SLC31A1: variants seen among roughly 807,000 people sequenced by gnomAD.
SLC31A1 encodes high affinity copper uptake protein 1.
A neutral mutation model predicts 17.2 loss-of-function variants in SLC31A1; 5 were observed. The observed-to-expected ratio is 0.29, with a 90% CI of 0.15 to 0.61. The LOEUF is 0.61. Ranked by LOEUF, SLC31A1 falls within the 20% of genes least tolerant of loss-of-function variation. The pLI is 0.86. For missense variants in SLC31A1, 161 were observed against 241.4 expected (o/e 0.67, Z 2.21); for synonymous variants, 76 against 78.8 (o/e 0.96, Z 0.19).
chr9:113,230,043 C>T (rs1352262455), intron 1 of SLC31A1, among the ~76,000 whole-genome samples: 1 of 152,184 alleles, frequency 6.6e-6, no homozygotes, highest in Non-Finnish European at 1.5e-5. Flanking sequence ...AGAAGATTTG[C>T]TCTTTATTAC....
At chr9:113,253,039 C>T (rs112046337) in intron 1 of SLC31A1, among the ~76,000 whole-genome samples, 6 of 150,982 alleles carry the variant, frequency 4.0e-5, no homozygotes, top group African/African-American at 1.5e-4. Context: ...CTGCAAGCTC[C>T]GCCTCCCGGG....
chr9:113,222,036 G>C (rs543771425), intron 1 of SLC31A1, among the ~76,000 whole-genome samples: 1 of 152,344 alleles, frequency 6.6e-6, no homozygotes, highest in South Asian at 2.1e-4. Context: ...TAAGCACCCG[G>C]GTGACTAGTC....
At chr9:113,252,029 T>C (rs1831659864) in intron 1 of SLC31A1, among the ~76,000 whole-genome samples, 1 of 152,244 alleles carries the variant, frequency 6.6e-6, no homozygotes. Context: ...GGATGTGAAA[T>C]ATATCCTGCA....
intron 1 of SLC31A1, among the ~76,000 whole-genome samples, chr9:113,252,966 T>TC (rs952679750): frequency 6.8e-6 from 1 of 147,764 alleles, no homozygotes; most frequent in Non-Finnish European, 1.5e-5. Flanking sequence ...TTTTTTTTTT[T>TC]TTTTTGAGAC....
At chr9:113,253,108 C>T (rs955631623) in intron 1 of SLC31A1, among the ~76,000 whole-genome samples, 6 of 152,072 alleles carry the variant, frequency 3.9e-5, no homozygotes, top group African/African-American at 1.4e-4. Flanking sequence ...CACCCGCCAC[C>T]ATGCCCGGCT....
At chr9:113,251,928 G>A (rs572835753) in intron 1 of SLC31A1, among the ~76,000 whole-genome samples, 39 of 152,284 alleles carry the variant, frequency 2.6e-4, no homozygotes, top group Non-Finnish European at 5.0e-4. Flanking sequence ...CATTCGGTAA[G>A]CCTTGCATAG....
intron 1 of SLC31A1, among the ~76,000 whole-genome samples, chr9:113,245,934 C>CT (rs1831573155): frequency 6.6e-6 from 1 of 150,914 alleles, no homozygotes; most frequent in African/African-American, 2.4e-5. Context: ...GTACCCAGCT[C>CT]TAAGTTCTGT....
intron 1 of SLC31A1, among the ~76,000 whole-genome samples, chr9:113,223,582 T>C (rs1831310732): frequency 6.6e-6 from 1 of 152,192 alleles, no homozygotes; most frequent in Non-Finnish European, 1.5e-5. Context: ...TGTTTATTTG[T>C]TTTGCTTAAG....
intron 1 of SLC31A1, among the ~76,000 whole-genome samples, chr9:113,238,575 A>G (rs1379921970): frequency 6.6e-6 from 1 of 152,236 alleles, no homozygotes; most frequent in Admixed American, 6.5e-5. Context: ...CAGCCTGGCC[A>G]ACATGATGAA....
intron 1 of SLC31A1, among the ~76,000 whole-genome samples, chr9:113,253,640 C>T (rs1173487385): frequency 2.0e-5 from 3 of 150,820 alleles, no homozygotes; most frequent in Admixed American, 6.6e-5. Flanking sequence ...CCACAACCTC[C>T]GCCTCCCAGG....
intron 1 of SLC31A1, chr9:113,223,344 A>G: frequency 2.6e-6 from 1 of 386,104 alleles, no homozygotes; most frequent in South Asian, 1.9e-5. Flanking sequence ...AAAAAAAAAG[A>G]AAGCCACTGT....
At chr9:113,248,179 C>T (rs1831604154) in intron 1 of SLC31A1, among the ~76,000 whole-genome samples, 1 of 151,940 alleles carries the variant, frequency 6.6e-6, no homozygotes, top group African/African-American at 2.4e-5. Context: ...AAAAAATTAG[C>T]CAGGTGTGGT....
chr9:113,257,306 A>T, intron 3 of SLC31A1, 121 bp downstream of exon 3: 13 of 875,742 alleles, frequency 1.5e-5, no homozygotes, highest in Middle Eastern at 2.2e-4. Context: ...AATGATGCAT[A>T]ACCATCTTGG....
chr9:113,221,681 A>ACAC lies in SLC31A1; in HGVS notation c.-36+3_-36+4insCAC. On this transcript the variant is annotated splice_donor_region_variant and intron_variant, in intron 1 of 4. Transcript: ENST00000374212. ...GTGGCTGGACTTGACCTGGAAAGGT[A>ACAC]AGGCTTCTCTCGGCCCCTCTTTCGC... is the stretch of plus-strand genomic sequence containing the variant. 1 of 300,732 alleles carries ACAC rather than the reference A, an allele frequency of 3.3e-6. No individual in the cohort carries two copies. Among genetic ancestry groups the ACAC allele is most frequent in the Non-Finnish European group, 6.6e-6 (1 of 152,500 alleles). The allele number at this position is 300,732 out of a possible 1,614,324, so 18.6% of individuals were successfully genotyped here.
In SLC31A1 at chr9:113,256,189, C is replaced by T. The variant is rs761245469; in HGVS notation, c.41C>T (p.Ser14Phe). The change falls in exon 2 of 5, where the codon TCC (serine) becomes TTC (phenylalanine). Residue 14 changes from serine (S) to phenylalanine (F), a missense_variant. By Grantham distance (155) the Ser-to-Phe change is radical. Transcript: ENST00000374212. ...CATATGGGGATGAGCTATATGGACTCCAACAGTACCATGCAACCTTCTCAC... is the reference window on the plus strand; with the variant it reads ...CATATGGGGATGAGCTATATGGACTTCAACAGTACCATGCAACCTTCTCAC... ...SHHMGMSYMD[S>F]NSTMQPSHHH... 1 of 1,612,932 alleles carries T rather than the reference C, an allele frequency of 6.2e-7. No homozygotes were observed. Among genetic ancestry groups the T allele is most frequent in the South Asian group, 1.1e-5 (1 of 91,014 alleles).
chr9:113,257,230 G>GGTCTCTC, intron 3 of SLC31A1, 45 bp downstream of exon 3: 1 of 1,501,952 alleles, frequency 6.7e-7, no homozygotes, highest in Non-Finnish European at 9.3e-7. Flanking sequence ...AGTCACATGA[G>GGTCTCTC]AGACAGTGAC....
At chr9:113,242,190 A>G (rs1023626629) in intron 1 of SLC31A1, among the ~76,000 whole-genome samples, 1 of 150,894 alleles carries the variant, frequency 6.6e-6, no homozygotes, top group East Asian at 1.9e-4. Flanking sequence ...CTCCGTCTCA[A>G]AAAAAAAAAA....
chr9:113,251,431 A>T (rs913161579), intron 1 of SLC31A1, among the ~76,000 whole-genome samples: 16 of 150,326 alleles, frequency 1.1e-4, no homozygotes, highest in East Asian at 5.8e-4. Flanking sequence ...AAAAAAATAA[A>T]AAATAAAAAA....
intron 1 of SLC31A1, among the ~76,000 whole-genome samples, chr9:113,241,534 G>T (rs765756015): frequency 1.2e-4 from 19 of 152,196 alleles, no homozygotes; most frequent in Non-Finnish European, 2.5e-4. Flanking sequence ...TATTACTGAG[G>T]AGCACCATGC....
Sources: gnomAD v4.1 joint callset for allele counts (sites outside exome capture counted in the v4.1 genomes callset) on GRCh38, gnomAD v4.1.1 for gene constraint, MANE v1.5 for transcripts, NCBI Gene and HGNC (gene_info 2026-07-23, HGNC 2026-07-21) for gene names.